The following NDST4 variants were observed in gnomAD, a reference collection of about 807,000 sequenced individuals.
The protein encoded by NDST4 is N-deacetylase and N-sulfotransferase 4.
NDST4 carries 63 observed loss-of-function variants against 100.8 expected under a neutral mutation model. That is an observed-to-expected ratio of 0.62 (90% CI 0.51 to 0.77). NDST4 has a LOEUF of 0.77. Among genes scored for constraint, NDST4 ranks in the 30% least tolerant of loss-of-function variants. NDST4 has a pLI of 0.00. For missense variants in NDST4, 943 were observed against 1,018.4 expected (o/e 0.93, Z 1.01); for synonymous variants, 377 against 361.8 (o/e 1.04, Z -0.48).
chr4:115,022,434 CAT>C (rs201487140), intron 2 of NDST4, among the ~76,000 whole-genome samples: 161 of 8,582 alleles, frequency 0.019, 1 homozygote, highest in Non-Finnish European at 0.033. Flanking sequence ...ATATGTGTTC[CAT>C]ATATATGTGT....
At chr4:114,916,134 T>C (rs1191086147) in intron 6 of NDST4, among the ~76,000 whole-genome samples, 1 of 152,136 alleles carries the variant, frequency 6.6e-6, no homozygotes, top group African/African-American at 2.4e-5. Flanking sequence ...TTGAAAGTTC[T>C]AGCAAGGGGC....
chr4:114,923,362 C>A (rs1725326373), intron 6 of NDST4, among the ~76,000 whole-genome samples: 1 of 151,980 alleles, frequency 6.6e-6, no homozygotes. Context: ...CCAAAAGAGT[C>A]TTTGTCATTC....
intron 2 of NDST4, among the ~76,000 whole-genome samples, chr4:114,987,225 G>A (rs1214563247): frequency 6.6e-6 from 1 of 151,924 alleles, no homozygotes; most frequent in Non-Finnish European, 1.5e-5. Context: ...TCTTTTTTGG[G>A]TCAGAGTGGG....
intron 4 of NDST4, among the ~76,000 whole-genome samples, chr4:114,950,668 T>A (rs1725970044): frequency 6.6e-6 from 1 of 151,992 alleles, no homozygotes; most frequent in Admixed American, 6.6e-5. Context: ...ACTGGAAGAG[T>A]ACAGTAATTG....
chr4:114,926,571 A>G (rs1725391577), intron 6 of NDST4, among the ~76,000 whole-genome samples: 3 of 152,086 alleles, frequency 2.0e-5, no homozygotes, highest in Admixed American at 2.0e-4. Context: ...AAACTGTTGA[A>G]AATGCAGAAA....
At chr4:115,057,702 GCACACACA>G (rs59805768) in intron 2 of NDST4, among the ~76,000 whole-genome samples, 3,760 of 147,322 alleles carry the variant, frequency 0.026, 146 homozygotes, top group African/African-American at 0.085. Flanking sequence ...GCGTGCGCAC[GCACACACA>G]CACACACACA....
At chr4:114,976,855 A>G (rs1020013103) in intron 3 of NDST4, among the ~76,000 whole-genome samples, 4 of 151,970 alleles carry the variant, frequency 2.6e-5, no homozygotes, top group African/African-American at 7.2e-5. Context: ...GTCAGTTATT[A>G]TTAGTAGTAT....
intron 12 of NDST4, among the ~76,000 whole-genome samples, chr4:114,830,806 T>A (rs1578330856): frequency 6.6e-6 from 1 of 152,194 alleles, no homozygotes; most frequent in Admixed American, 6.5e-5. Context: ...TAAAGTTAAT[T>A]AGTTGCAGAA....
chr4:114,949,247 C>A (rs1014647159), intron 4 of NDST4, among the ~76,000 whole-genome samples: 91 of 151,732 alleles, frequency 6.0e-4, no homozygotes, highest in African/African-American at 2.1e-3. Flanking sequence ...GGATATTATT[C>A]TATATAAATA....
chr4:115,065,001 A>T (rs1437436475), intron 2 of NDST4, among the ~76,000 whole-genome samples: 1 of 152,114 alleles, frequency 6.6e-6, no homozygotes, highest in Admixed American at 6.6e-5. Flanking sequence ...TCCTTCCAGC[A>T]TCTTTACCTC....
At chr4:115,054,141 C>T (rs1256287926) in intron 2 of NDST4, among the ~76,000 whole-genome samples, 2 of 151,360 alleles carry the variant, frequency 1.3e-5, no homozygotes, top group African/African-American at 4.8e-5. Context: ...ATATTTAAAA[C>T]ATAATATACC....
intron 6 of NDST4, among the ~76,000 whole-genome samples, chr4:114,932,056 G>T (rs986652916): frequency 6.6e-6 from 1 of 151,792 alleles, no homozygotes; most frequent in South Asian, 2.1e-4. Flanking sequence ...GAAAATTACA[G>T]GGTAATATTT....
intron 6 of NDST4, among the ~76,000 whole-genome samples, chr4:114,914,181 TG>T (rs1164608594): frequency 6.6e-6 from 1 of 151,852 alleles, no homozygotes; most frequent in Non-Finnish European, 1.5e-5. Context: ...TACCAGAAGC[TG>T]GGAAGGGTAT....
intron 1 of NDST4, among the ~76,000 whole-genome samples, chr4:115,090,099 A>T (rs1309048018): frequency 6.6e-6 from 1 of 151,840 alleles, no homozygotes; most frequent in African/African-American, 2.4e-5. Flanking sequence ...TAAATATATC[A>T]TTTCTACCTC....
chr4:114,866,926 A>T (rs939475945), intron 7 of NDST4, among the ~76,000 whole-genome samples: 1 of 152,130 alleles, frequency 6.6e-6, no homozygotes, highest in Non-Finnish European at 1.5e-5. Flanking sequence ...GTGAGGAGTT[A>T]CCCCTGAAAT....
intron 1 of NDST4, among the ~76,000 whole-genome samples, chr4:115,088,320 A>AT (rs370454710): frequency 0.014 from 2,023 of 148,642 alleles, 19 homozygotes; most frequent in African/African-American, 0.028. Context: ...TCTAAAGTTA[A>AT]TTTTTTTTTT....
intron 4 of NDST4, among the ~76,000 whole-genome samples, chr4:114,937,941 T>C (rs1299214904): frequency 6.6e-6 from 1 of 151,924 alleles, no homozygotes; most frequent in East Asian, 1.9e-4. Flanking sequence ...AATAATGAAG[T>C]GATGAGCTTT....
chr4:114,958,976 C>T (rs1726200492), intron 4 of NDST4, among the ~76,000 whole-genome samples: 1 of 152,072 alleles, frequency 6.6e-6, no homozygotes, highest in Non-Finnish European at 1.5e-5. Flanking sequence ...TTTCTTCCAC[C>T]AGAGACCCTA....
chr4:114,986,811 TA>T lies in NDST4; in HGVS notation c.979-9538del, dbSNP rs1560845333. 3.2e-4 allele frequency among the ~76,000 whole-genome samples: 39 copies of T among 121,528 alleles called. 3 individuals carry two copies. In the South Asian group the frequency reaches 4.1e-3, roughly 13 times the overall value. 79.7% of individuals were successfully genotyped at this position (121,528 alleles called of 152,430 possible). On this transcript the variant is annotated intron_variant, in intron 2 of 13. Transcript: ENST00000264363. ...AATTATACATATATATATATATATA[TA>T]TATATATATATATATATATATTTTA...
Sources: allele counts gnomAD v4.1 joint callset (sites outside exome capture counted in the v4.1 genomes callset), GRCh38; gene constraint gnomAD v4.1.1; transcripts MANE v1.5; gene names NCBI Gene and HGNC (gene_info 2026-07-23, HGNC 2026-07-21).